MAP4K4: variants seen among roughly 807,000 people sequenced by gnomAD.
The protein encoded by MAP4K4 is mitogen-activated protein kinase kinase kinase kinase 4, also known as HPK/GCK-like kinase HGK.
MAP4K4 carries 38 observed loss-of-function variants against 189.6 expected under a neutral mutation model. That is an observed-to-expected ratio of 0.20 (90% CI 0.15 to 0.26). MAP4K4 has a LOEUF of 0.26. MAP4K4 is among the 10% of genes least tolerant of loss of function. The pLI is 1.00. For missense variants in MAP4K4, 1,054 were observed against 1,726.9 expected (o/e 0.61, Z 6.91); for synonymous variants, 610 against 624.3 (o/e 0.98, Z 0.34).
At chr2:101,728,352 C>CTACT (rs1414359503) in intron 2 of MAP4K4, among the ~76,000 whole-genome samples, 1 of 152,118 alleles carries the variant, frequency 6.6e-6, no homozygotes, top group Non-Finnish European at 1.5e-5. Context: ...ACTGCTGAGG[C>CTACT]TACTTACTGG....
At chr2:101,811,086 A>C (rs2095391078) in intron 3 of MAP4K4, among the ~76,000 whole-genome samples, 1 of 152,114 alleles carries the variant, frequency 6.6e-6, no homozygotes, top group African/African-American at 2.4e-5. Flanking sequence ...AAGAATGTGA[A>C]AGTAGGGTCG....
chr2:101,724,269 G>A (rs1175679426), intron 2 of MAP4K4, among the ~76,000 whole-genome samples: 1 of 152,162 alleles, frequency 6.6e-6, no homozygotes. Context: ...AGGCAAACAG[G>A]CAAAGCTGTG....
At chr2:101,811,385 A>AAAAG (rs1559031795) in intron 3 of MAP4K4, among the ~76,000 whole-genome samples, 2 of 140,974 alleles carry the variant, frequency 1.4e-5, no homozygotes, top group African/African-American at 5.6e-5. Context: ...AAAAAAAAAA[A>AAAAG]AAAAAAGAAT....
Position 101,814,204 on chromosome 2 carries a change from G to A in MAP4K4, c.181-9724G>A, listed in dbSNP as rs77399780. 1.9e-3 allele frequency among the ~76,000 whole-genome samples: 288 copies of A among 152,280 alleles called. 8 individuals carry two copies. In the East Asian group the frequency reaches 0.044, roughly 23 times the overall value. Reference sequence around the variant, plus strand: ...CAGAGAATGTGAGTAGATGCAGTACGACATAGCCAAATGTATGCTTATCCC... The same window carrying A: ...CAGAGAATGTGAGTAGATGCAGTACAACATAGCCAAATGTATGCTTATCCC... On this transcript the variant is annotated intron_variant, in intron 3 of 32. Transcript: ENST00000324219.
At chr2:101,845,410 A>G (rs2097070921) in intron 12 of MAP4K4, among the ~76,000 whole-genome samples, 1 of 152,166 alleles carries the variant, frequency 6.6e-6, no homozygotes, top group African/African-American at 2.4e-5. Flanking sequence ...TCGCTTAATG[A>G]CGGGGATACA....
At chr2:101,838,033 G>A (rs748670772) in intron 9 of MAP4K4, among the ~76,000 whole-genome samples, 42 of 152,138 alleles carry the variant, frequency 2.8e-4, no homozygotes, top group East Asian at 1.9e-4. Flanking sequence ...GCTGTCCACC[G>A]TCTACCCGAT....
chr2:101,844,074 C>T, intron 11 of MAP4K4, 27 bp from the exon 12 acceptor site: 1 of 1,554,802 alleles, frequency 6.4e-7, no homozygotes, highest in Non-Finnish European at 8.8e-7. Flanking sequence ...CGGTGCACAC[C>T]CCTGAAAGCC....
intron 18 of MAP4K4, among the ~76,000 whole-genome samples, 184 bp downstream of exon 18, chr2:101,865,220 A>T (rs2097778201): frequency 6.6e-6 from 1 of 152,234 alleles, no homozygotes; most frequent in Non-Finnish European, 1.5e-5. Context: ...TGTAGTAAAA[A>T]GTGGGTTTGA....
chr2:101,841,110 T>C (rs1250088585), intron 10 of MAP4K4, among the ~76,000 whole-genome samples: 3 of 152,212 alleles, frequency 2.0e-5, no homozygotes, highest in Admixed American at 2.0e-4. Context: ...CCTTGGATCA[T>C]CTCATGTTTT....
chr2:101,741,515 AGAG>A (rs1380590842), intron 2 of MAP4K4, among the ~76,000 whole-genome samples: 1 of 152,092 alleles, frequency 6.6e-6, no homozygotes. Flanking sequence ...ATGTTAATGA[AGAG>A]GAGTTCCCTG....
At chr2:101,799,988 C>T (rs1288069868) in intron 3 of MAP4K4, among the ~76,000 whole-genome samples, 1 of 151,890 alleles carries the variant, frequency 6.6e-6, no homozygotes, top group Non-Finnish European at 1.5e-5. Context: ...TAGATCATAC[C>T]CTCTTGTAGG....
At chr2:101,823,531 G>A (rs1373017621) in intron 3 of MAP4K4, among the ~76,000 whole-genome samples, 1 of 152,204 alleles carries the variant, frequency 6.6e-6, no homozygotes, top group East Asian at 1.9e-4. Flanking sequence ...TATTTGCAAA[G>A]GAAACAGATT....
chr2:101,823,925 A>G lies in MAP4K4; in HGVS notation c.181-3A>G, dbSNP rs2096227052. 3 of 1,592,856 alleles carry G rather than the reference A, an allele frequency of 1.9e-6. No homozygotes were observed. The highest frequency in any genetic ancestry group is 1.7e-6 in the Non-Finnish European group (2 of 1,169,902). On this transcript the variant is annotated splice_polypyrimidine_tract_variant and splice_region_variant and intron_variant, in intron 3 of 32. Coordinates refer to ENST00000324219, the Ensembl canonical transcript of MAP4K4. ...ACACATTTTATTTTTATTTTTTCAT[A>G]AGGATGAAGAGGAAGAAATCAAACT...
chr2:101,705,819 T>C (rs945640335), intron 2 of MAP4K4, among the ~76,000 whole-genome samples: 7 of 152,144 alleles, frequency 4.6e-5, no homozygotes, highest in African/African-American at 1.7e-4. Flanking sequence ...AGCTGGAGAA[T>C]TGAGGACTGT....
At chr2:101,850,627 G>C (rs921262040) in intron 12 of MAP4K4, among the ~76,000 whole-genome samples, 14 of 152,180 alleles carry the variant, frequency 9.2e-5, no homozygotes. Flanking sequence ...AATACACACA[G>C]TAATCATAGT....
intron 2 of MAP4K4, among the ~76,000 whole-genome samples, chr2:101,786,414 A>AG (rs954945459): frequency 5.9e-5 from 9 of 152,176 alleles, no homozygotes; most frequent in African/African-American, 1.9e-4. Flanking sequence ...TAAAAAAAAA[A>AG]CATACATTTT....
intron 2 of MAP4K4, among the ~76,000 whole-genome samples, chr2:101,774,782 C>T (rs970867944): frequency 1.3e-5 from 2 of 152,122 alleles, no homozygotes; most frequent in African/African-American, 4.8e-5. Context: ...CTCATCACCC[C>T]AAAAGCCCCT....
At chr2:101,749,323 T>C (rs2067332819) in intron 2 of MAP4K4, among the ~76,000 whole-genome samples, 2 of 151,386 alleles carry the variant, frequency 1.3e-5, no homozygotes, top group African/African-American at 4.8e-5. Context: ...TATAGATCAA[T>C]GGAACAGAAC....
intron 2 of MAP4K4, among the ~76,000 whole-genome samples, chr2:101,785,710 C>CTTTTCCTTTTT: frequency 1.7e-4 from 1 of 5,876 alleles, no homozygotes; most frequent in Non-Finnish European, 2.7e-4. Flanking sequence ...CTCTCTCTCT[C>CTTTTCCTTTTT]TCTCTCTCTC....
Sources: allele counts gnomAD v4.1 joint callset (sites outside exome capture counted in the v4.1 genomes callset), GRCh38; gene constraint gnomAD v4.1.1; transcripts MANE v1.5; gene names NCBI Gene and HGNC (gene_info 2026-07-23, HGNC 2026-07-21).